LSAMP: variants seen among roughly 807,000 people sequenced by gnomAD.
The protein encoded by LSAMP is limbic system associated membrane protein.
LSAMP carries 7 observed loss-of-function variants against 38.6 expected under a neutral mutation model. That is an observed-to-expected ratio of 0.18 (90% CI 0.10 to 0.34). The LOEUF (loss-of-function observed/expected upper bound fraction) is 0.34. LSAMP is among the 10% of genes least tolerant of loss of function. The pLI is 1.00. For missense variants in LSAMP, 313 were observed against 420.0 expected (o/e 0.75, Z 2.23); for synonymous variants, 154 against 166.8 (o/e 0.92, Z 0.59).
chr3:116,222,703 T>A, intron 1 of LSAMP, among the ~76,000 whole-genome samples: 1 of 141,314 alleles, frequency 7.1e-6, no homozygotes, highest in African/African-American at 2.6e-5. Context: ...TCTTTTTTGC[T>A]CACCTTTCAT....
chr3:116,327,493 G>T (rs981636511), intron 1 of LSAMP, among the ~76,000 whole-genome samples: 2 of 151,856 alleles, frequency 1.3e-5, no homozygotes, highest in Non-Finnish European at 2.9e-5. Flanking sequence ...TCATATCAAG[G>T]TTTAAGATTA....
chr3:116,268,736 A>G (rs1044156365), intron 1 of LSAMP, among the ~76,000 whole-genome samples: 2 of 151,690 alleles, frequency 1.3e-5, no homozygotes, highest in Non-Finnish European at 1.5e-5. Flanking sequence ...ATAATTTTAA[A>G]GTATATAATT....
chr3:115,897,701 C>T (rs1342871532), intron 3 of LSAMP, among the ~76,000 whole-genome samples: 2 of 152,052 alleles, frequency 1.3e-5, no homozygotes, highest in South Asian at 2.1e-4. Flanking sequence ...GGGTGTGTGA[C>T]AGTTTAATAG....
At chr3:115,981,094 G>A (rs1347777250) in intron 3 of LSAMP, among the ~76,000 whole-genome samples, 1 of 152,062 alleles carries the variant, frequency 6.6e-6, no homozygotes, top group Non-Finnish European at 1.5e-5. Context: ...CAATGACATG[G>A]CATTCATGGT....
At chr3:116,184,672 A>G (rs917855029) in intron 1 of LSAMP, among the ~76,000 whole-genome samples, 2 of 151,982 alleles carry the variant, frequency 1.3e-5, no homozygotes, top group Non-Finnish European at 2.9e-5. Context: ...GCTTGCTAAC[A>G]GACTCAGTTA....
At chr3:116,377,220 C>T (rs2048504994) in intron 1 of LSAMP, among the ~76,000 whole-genome samples, 1 of 151,970 alleles carries the variant, frequency 6.6e-6, no homozygotes, top group Non-Finnish European at 1.5e-5. Context: ...TCCTAATGCT[C>T]TCCCTTCCCC....
chr3:115,961,293 C>T (rs564790843), intron 3 of LSAMP, among the ~76,000 whole-genome samples: 1 of 152,286 alleles, frequency 6.6e-6, no homozygotes, highest in South Asian at 2.1e-4. Flanking sequence ...TTAGGAAGCA[C>T]CAAATCATAG....
intron 1 of LSAMP, among the ~76,000 whole-genome samples, chr3:116,425,867 C>T (rs1053948058): frequency 1.9e-5 from 2 of 103,684 alleles, no homozygotes; most frequent in African/African-American, 5.6e-5. Context: ...ACCATACATC[C>T]TAAAGCAAAA....
chr3:116,129,648 G>C (rs1164317258), intron 1 of LSAMP, among the ~76,000 whole-genome samples: 2 of 152,176 alleles, frequency 1.3e-5, no homozygotes, highest in African/African-American at 4.8e-5. Flanking sequence ...AGCAAGATGT[G>C]GCATTAATGA....
At chr3:116,340,109 CA>C (rs1414751467) in intron 1 of LSAMP, among the ~76,000 whole-genome samples, 2 of 152,060 alleles carry the variant, frequency 1.3e-5, no homozygotes, top group East Asian at 1.9e-4. Flanking sequence ...CTCTGTCACT[CA>C]ATTATCCCTA....
At chr3:116,199,908 G>A (rs545019067) in intron 1 of LSAMP, among the ~76,000 whole-genome samples, 1 of 152,122 alleles carries the variant, frequency 6.6e-6, no homozygotes, top group African/African-American at 2.4e-5. Context: ...TGTTTATATT[G>A]GGTGGCAGAT....
chr3:116,407,276 T>C (rs920184420), intron 1 of LSAMP, among the ~76,000 whole-genome samples: 4 of 152,080 alleles, frequency 2.6e-5, no homozygotes, highest in African/African-American at 9.7e-5. Flanking sequence ...GTGAAGCAGA[T>C]ACAGAGAGAA....
At chr3:115,811,288 G>A (rs1255591608) in intron 6 of LSAMP, among the ~76,000 whole-genome samples, 2 of 152,132 alleles carry the variant, frequency 1.3e-5, no homozygotes, top group South Asian at 2.1e-4. Flanking sequence ...AGCTGGAGAA[G>A]GGGCTTGTGT....
rs1934324046 is a variant in LSAMP, at chr3:115,823,834, C to A, written c.920-13420G>T. ...TTCCAAAGCAACATGGTCTTAACAG[C>A]AATGCAATAAAAAATGTTATCATAC... On this transcript the variant is annotated intron_variant, in intron 6 of 6. Coordinates refer to ENST00000490035, the MANE Select transcript of LSAMP (RefSeq NM_002338.5). Among the ~76,000 whole-genome samples the A allele has an allele frequency of 3.3e-5, 5 of 152,078 alleles. No individual in the cohort carries two copies. The South Asian group carries it at 1.0e-3, about 32-fold the overall frequency.
chr3:116,378,988 AACACACACACACACACACACACACAC>A (rs3028640), intron 1 of LSAMP, among the ~76,000 whole-genome samples: 1 of 137,128 alleles, frequency 7.3e-6, no homozygotes, highest in South Asian at 2.5e-4. Flanking sequence ...AATTGCTCAG[AACACACACACACACACACACACACAC>A]ACACACACAC....
At chr3:115,814,024 C>G (rs141749827) in intron 6 of LSAMP, 2 of 152,100 alleles carry the variant, frequency 1.3e-5, no homozygotes, top group African/African-American at 4.8e-5. Flanking sequence ...ATTTTAGTAT[C>G]CAATCCATTC....
Position 116,263,136 on chromosome 3 carries a change from A to G in LSAMP, c.156-176580T>C, listed in dbSNP as rs146875367. ...AATGTTAGCGTGGGACCACTTGTTT[A>G]ATTTACGAATAACAAACACAACAAA... On this transcript the variant is annotated intron_variant, in intron 1 of 6. Transcript: ENST00000490035. Among the ~76,000 whole-genome samples the G allele has an allele frequency of 9.9e-3, 1,507 of 152,318 alleles. 8 individuals are homozygous for G. The highest frequency in any genetic ancestry group is 0.014 in the Non-Finnish European group (977 of 68,028).
intron 3 of LSAMP, among the ~76,000 whole-genome samples, chr3:115,906,500 G>C (rs1937011386): frequency 6.6e-6 from 1 of 152,096 alleles, no homozygotes; most frequent in Non-Finnish European, 1.5e-5. Context: ...CTGCAGACTA[G>C]ACTTCGAAGA....
At chr3:116,396,897 C>G (rs1647840002) in intron 1 of LSAMP, among the ~76,000 whole-genome samples, 1 of 152,190 alleles carries the variant, frequency 6.6e-6, no homozygotes. Flanking sequence ...TACTTCACAT[C>G]CCATCCATCA....
Sources: gnomAD v4.1 joint callset for allele counts (sites outside exome capture counted in the v4.1 genomes callset) on GRCh38, gnomAD v4.1.1 for gene constraint, MANE v1.5 for transcripts, NCBI Gene and HGNC (gene_info 2026-07-23, HGNC 2026-07-21) for gene names.